The following ATP5F1A variants were observed in gnomAD, a reference collection of about 807,000 sequenced individuals.
ATP5F1A encodes ATP synthase F1 subunit alpha, also known as ATP synthase F(1) complex subunit alpha, mitochondrial.
In ATP5F1A, 24 loss-of-function variants were observed where a neutral mutation model predicts 57.4. The observed-to-expected ratio is 0.42, with a 90% CI of 0.30 to 0.59. ATP5F1A has a LOEUF of 0.59. Among genes scored for constraint, ATP5F1A ranks in the 20% least tolerant of loss-of-function variants. ATP5F1A has a pLI of 0.19. For synonymous variants in ATP5F1A, 251 were observed against 255.5 expected (o/e 0.98, Z 0.17); for missense variants, 494 against 707.9 (o/e 0.70, Z 3.43).
intron 10 of ATP5F1A, chr18:46,085,723 A>T (rs1568243630): frequency 5.7e-6 from 1 of 175,626 alleles, no homozygotes; most frequent in Non-Finnish European, 1.2e-5. Context: ...ACCTGAGGTC[A>T]GGAGTTCGAG....
At chr18:46,101,479 C>T (rs1004314698), upstream of ATP5F1A, among the ~76,000 whole-genome samples, 1 of 151,944 alleles carries the variant, frequency 6.6e-6, no homozygotes, top group African/African-American at 2.4e-5. Flanking sequence ...GAAGGAGAAT[C>T]GCTTGAATCC....
intron 3 of ATP5F1A, among the ~76,000 whole-genome samples, chr18:46,091,088 T>C (rs1346961337): frequency 6.6e-6 from 1 of 152,104 alleles, no homozygotes; most frequent in Non-Finnish European, 1.5e-5. Flanking sequence ...TTACCAAGAG[T>C]ATCAAGACTA....
In ATP5F1A at chr18:46,081,660, CAAAAAAAAAAAACAAAA is replaced by C. The variant is rs1227845041; in HGVS notation, c.*2605_*2621del. 7 of 73,974 alleles carry C rather than the reference CAAAAAAAAAAAACAAAA, an allele frequency of 9.5e-5. No homozygotes were observed. Among genetic ancestry groups the C allele is most frequent in the African/African-American group, 3.5e-4 (7 of 19,816 alleles). 4.6% of individuals were successfully genotyped at this position (73,974 alleles called of 1,614,324 possible). A position where few individuals can be genotyped will look rare whatever the true frequency, so the allele number is the denominator to read the frequency against. ...GCCTGGGCAACAAGAGCAAAACTCT[CAAAAAAAAAAAACAAAA>C]AAAAAAAAAAAAAAAAAAAACGAAA... On this transcript the variant is annotated 3_prime_UTR_variant, in exon 12 of 12. Coordinates refer to ENST00000398752, the MANE Select transcript of ATP5F1A (RefSeq NM_004046.6).
chr18:46,091,449 A>G (rs1910542446), intron 3 of ATP5F1A, among the ~76,000 whole-genome samples: 1 of 152,324 alleles, frequency 6.6e-6, no homozygotes, highest in South Asian at 2.1e-4. Flanking sequence ...TCAATTTTAT[A>G]TTTTGGAGCC....
In ATP5F1A at chr18:46,098,290, CA is replaced by C; in HGVS notation, c.-60del. The C allele has an allele frequency of 6.6e-7, 1 of 1,518,718 alleles. No homozygotes were observed. Among genetic ancestry groups the C allele is most frequent in the Non-Finnish European group, 8.8e-7 (1 of 1,131,290 alleles). The allele number at this position is 1,518,718 out of a possible 1,614,324, so 94.1% of individuals were successfully genotyped here. ...GCCGCAGCCTCCGGACTGACTGGGACAAAATGGCCGAGCCGCAAAGAAGGTC... is the reference window on the plus strand; with the variant it reads ...GCCGCAGCCTCCGGACTGACTGGGACAAATGGCCGAGCCGCAAAGAAGGTC... On this transcript the variant is annotated 5_prime_UTR_variant, in exon 1 of 12. Coordinates refer to ENST00000398752, the MANE Select transcript of ATP5F1A (RefSeq NM_004046.6).
chr18:46,097,134 T>C (rs998224912), intron 1 of ATP5F1A, among the ~76,000 whole-genome samples: 14 of 152,052 alleles, frequency 9.2e-5, no homozygotes, highest in Admixed American at 7.9e-4. Context: ...CTCCTTCAAG[T>C]TGTAATACTG....
Position 46,087,427 on chromosome 18 carries a change from C to G in ATP5F1A, c.865G>C (p.Ala289Pro), listed in dbSNP as rs1365995441. The change falls in exon 7 of 12, where the codon GCT becomes CCT. Residue 289 changes from alanine to proline, a missense_variant. Physicochemically the swap from Ala to Pro is conservative, Grantham distance 27. Transcript: ENST00000398752. ...CCCATGGAACAGCCAGAGTAAGGAG[C>G]CAGGTACTGAAGTGGGGCAGCATCC... Reference protein sequence around the residue: ...ASDAAPLQYLAPYSGCSMGEY... With the variant: ...ASDAAPLQYLPPYSGCSMGEY... 1 of 1,614,164 alleles carries G rather than the reference C, an allele frequency of 6.2e-7. No individual in the cohort carries two copies. Among genetic ancestry groups the G allele is most frequent in the East Asian group, 2.2e-5 (1 of 44,886 alleles).
upstream of ATP5F1A, chr18:46,098,310 G>A (rs542354061): frequency 6.6e-6 from 10 of 1,506,116 alleles, no homozygotes; most frequent in African/African-American, 1.1e-4. Flanking sequence ...GAGCCGCAAA[G>A]AAGGTCAAGA....
At chr18:46,085,738 G>T (rs1658911) in intron 10 of ATP5F1A, 3 of 182,264 alleles carry the variant, frequency 1.6e-5, no homozygotes, top group Non-Finnish European at 2.3e-5. Flanking sequence ...TTCGAGACCA[G>T]CCTGGCCAAC....
chr18:46,093,716 A>C lies in ATP5F1A; in HGVS notation c.139+1337T>G, dbSNP rs1037459582. Among the ~76,000 whole-genome samples the C allele has an allele frequency of 2.4e-4, 37 of 151,814 alleles. No individual in the cohort carries two copies. In the South Asian group the frequency reaches 2.7e-3, roughly 11 times the overall value. ...GTGCGTGCCTGTAATCCTAGCCACT[A>C]GGGAAGCTGACTCAGGAGAATCACT... On this transcript the variant is annotated intron_variant, in intron 2 of 11. Transcript: ENST00000398752.
chr18:46,099,648 G>A (rs938942163), upstream of ATP5F1A, among the ~76,000 whole-genome samples: 9 of 152,052 alleles, frequency 5.9e-5, no homozygotes, highest in African/African-American at 2.2e-4. Context: ...GGGCGTGGGG[G>A]GAGGTCTCTC....
chr18:46,090,003 A>C lies in ATP5F1A; in HGVS notation c.310-7T>G. On this transcript the variant is annotated splice_polypyrimidine_tract_variant and splice_region_variant and intron_variant, in intron 3 of 11. Coordinates refer to ENST00000398752, the MANE Select transcript of ATP5F1A (RefSeq NM_004046.6). ...CCAAGTTCAAGGACATACCCTGCAC[A>C]AAAGACACAATTGAACATCAATGAA... 1 of 1,580,814 alleles carries C rather than the reference A, an allele frequency of 6.3e-7. No homozygotes were observed.
chr18:46,095,027 G>T lies in ATP5F1A; in HGVS notation c.139+26C>A, dbSNP rs376015700. On this transcript the variant is annotated intron_variant, in intron 2 of 11. Transcript: ENST00000398752. The stretch of plus-strand genomic sequence containing the variant: ...TTTATATCTTCATCTAGTAAGTGCG[G>T]CGTAGACTGAGAAATAATAACTTAC... The T allele has an allele frequency of 1.2e-5, 20 of 1,604,344 alleles. No individual in the cohort carries two copies. The African/African-American group carries it at 2.7e-4, about 22-fold the overall frequency.
upstream of ATP5F1A, among the ~76,000 whole-genome samples, chr18:46,099,772 A>C (rs1385897171): frequency 6.6e-6 from 1 of 152,092 alleles, no homozygotes; most frequent in Admixed American, 6.6e-5. Flanking sequence ...CCATCCCCCA[A>C]ATCCTGGCTT....
At chr18:46,089,528 T>C (rs1348011643) in intron 5 of ATP5F1A, 38 bp downstream of exon 5, 1 of 1,608,376 alleles carries the variant, frequency 6.2e-7, no homozygotes. Flanking sequence ...ATTGAGCAAA[T>C]TTTAGTTAGA....
Position 46,082,727 on chromosome 18 carries a change from G to A in ATP5F1A, c.*1555C>T, listed in dbSNP as rs1156499923. ...AAAAAAGGTAACACATTAAGAATGAGCAAAGGCTATGAAAAATTAAAAGTA... is the reference window on the plus strand; with the variant it reads ...AAAAAAGGTAACACATTAAGAATGAACAAAGGCTATGAAAAATTAAAAGTA... On this transcript the variant is annotated 3_prime_UTR_variant, in exon 12 of 12. Coordinates refer to ENST00000398752, the MANE Select transcript of ATP5F1A (RefSeq NM_004046.6). 1 of 151,922 alleles carries A rather than the reference G, an allele frequency of 6.6e-6. No individual in the cohort carries two copies. The highest frequency in any genetic ancestry group is 1.9e-4 in the East Asian group (1 of 5,180). 9.4% of individuals were successfully genotyped at this position (151,922 alleles called of 1,614,324 possible). A position where few individuals can be genotyped will look rare whatever the true frequency, so the allele number is the denominator to read the frequency against.
chr18:46,085,800 GC>G (rs1231583196), intron 10 of ATP5F1A: 1 of 261,912 alleles, frequency 3.8e-6, no homozygotes, highest in Non-Finnish European at 7.3e-6. Context: ...GGGCGTGGTG[GC>G]TCACACCTGT....
In ATP5F1A at chr18:46,098,271, G is replaced by A. The variant is rs1180909440; in HGVS notation, c.-40C>T. 3.8e-6 allele frequency: 6 copies of A among 1,583,978 alleles called. No individual in the cohort carries two copies. The highest frequency in any genetic ancestry group is 1.3e-5 in the African/African-American group (1 of 74,408). On this transcript the variant is annotated 5_prime_UTR_variant, in exon 1 of 12. Coordinates refer to ENST00000398752, the MANE Select transcript of ATP5F1A (RefSeq NM_004046.6). ...CGCAGGCGGTACTTCTGCAGCCGCA[G>A]CCTCCGGACTGACTGGGACAAAATG...
Position 46,086,499 on chromosome 18 carries a change from A to T in ATP5F1A, c.1177-5T>A. On this transcript the variant is annotated splice_polypyrimidine_tract_variant and splice_region_variant and intron_variant, in intron 8 of 11. Coordinates refer to ENST00000398752, the MANE Select transcript of ATP5F1A (RefSeq NM_004046.6). ...CAATTCTGTTTCCAAGAAGATCTATAATGTAAGGAAATACGCACGCTAGCA... is the reference window on the plus strand; with the variant it reads ...CAATTCTGTTTCCAAGAAGATCTATTATGTAAGGAAATACGCACGCTAGCA... 6.2e-7 allele frequency: 1 copy of T among 1,611,596 alleles called. No homozygotes were observed.
Sources: allele counts gnomAD v4.1 joint callset (sites outside exome capture counted in the v4.1 genomes callset), GRCh38; gene constraint gnomAD v4.1.1; transcripts MANE v1.5; gene names NCBI Gene and HGNC (gene_info 2026-07-23, HGNC 2026-07-21).